The following TRIM2 variants were observed in gnomAD, a reference collection of about 807,000 sequenced individuals.
TRIM2 encodes the protein tripartite motif containing 2.
Under a neutral mutation model 75.2 loss-of-function variants are expected in TRIM2, and 20 were observed. That is an observed-to-expected ratio of 0.27 (90% CI 0.19 to 0.39). TRIM2 has a LOEUF of 0.39. TRIM2 is among the 10% of genes least tolerant of loss of function. TRIM2 has a pLI of 1.00. For missense variants in TRIM2, 660 were observed against 990.8 expected, an observed-to-expected ratio of 0.67 and a Z score of 4.48; for synonymous variants, 373 against 388.3, an observed-to-expected ratio of 0.96 and a Z score of 0.46.
At chr4:153,259,942 G>A (rs764058233) in intron 1 of TRIM2, among the ~76,000 whole-genome samples, 8 of 151,928 alleles carry the variant, frequency 5.3e-5, no homozygotes, top group African/African-American at 1.9e-4. Context: ...TTACCTCTTC[G>A]GTCTTCACAT....
intron 3 of TRIM2, among the ~76,000 whole-genome samples, chr4:153,282,282 A>G (rs916190688): frequency 2.0e-5 from 3 of 152,270 alleles, no homozygotes; most frequent in Non-Finnish European, 4.4e-5. Flanking sequence ...GAAAATGACT[A>G]GCTATTGATA....
In TRIM2 at chr4:153,315,500, A is replaced by G; in HGVS notation, c.1526A>G (p.Asn509Ser). Residue 509 changes from asparagine to serine, a missense_variant, in exon 7 of 12, where the codon AAT (asparagine) becomes AGT (serine). Around this residue, in one of 2 missense-constraint regions of TRIM2, gnomAD observed 620 missense variants for 891.0 expected, o/e 0.70. Transcript: ENST00000338700. ...LIFRVGTKGR[N>S]KGEFTNLQGV... ...TTTATTTTAGGTACCAAAGGAAGAA[A>G]TAAAGGAGAGTTTACAAATCTTCAG... 1.9e-6 allele frequency: 3 copies of G among 1,603,066 alleles called. No individual in the cohort carries two copies. Among genetic ancestry groups the G allele is most frequent in the Non-Finnish European group, 2.5e-6 (3 of 1,177,418 alleles).
chr4:153,310,289 G>A (rs1459330965), intron 6 of TRIM2: 2 of 152,054 alleles, frequency 1.3e-5, no homozygotes, highest in Non-Finnish European at 2.9e-5. Flanking sequence ...TGTGTTTTGT[G>A]TTATTTATAT....
rs140776366 is a variant in TRIM2 at position 153,213,212 on chromosome 4, G to A, written c.30+8652G>A. On this transcript the variant is annotated intron_variant, in intron 1 of 11. Coordinates refer to ENST00000338700, the MANE Select transcript of TRIM2 (RefSeq NM_015271.5). ...ATTGTTGAGAAAATTGTCCCAAGCCGCACAGCTGGTCAGGGGCAGGCCAGC... is the reference window on the plus strand; with the variant it reads ...ATTGTTGAGAAAATTGTCCCAAGCCACACAGCTGGTCAGGGGCAGGCCAGC... Among the ~76,000 whole-genome samples the A allele has an allele frequency of 3.2e-3, 490 of 152,292 alleles. 2 individuals are homozygous for A. The highest frequency in any genetic ancestry group is 0.011 in the African/African-American group (444 of 41,544).
upstream of TRIM2, among the ~76,000 whole-genome samples, chr4:153,200,579 A>G (rs967878110): frequency 6.6e-6 from 1 of 151,948 alleles, no homozygotes; most frequent in Non-Finnish European, 1.5e-5. Flanking sequence ...TCATATGGTA[A>G]TTCTATGTTT....
chr4:153,270,636 C>A, intron 2 of TRIM2, 117 bp downstream of exon 2: 1 of 872,924 alleles, frequency 1.1e-6, no homozygotes, highest in Non-Finnish European at 1.7e-6. Context: ...ATCTCTTGTG[C>A]TTCTGCCAGA....
chr4:153,224,439 C>A lies in TRIM2; in HGVS notation c.30+19879C>A, dbSNP rs113134298. ...GTTCTGGGCTAGGTACAGAACACCA[C>A]ATCCCATTTGCCCTCATTAACTCAT... On this transcript the variant is annotated intron_variant, in intron 1 of 11. Transcript: ENST00000338700. 5.9e-3 allele frequency among the ~76,000 whole-genome samples: 900 copies of A among 152,308 alleles called. 6 individuals are homozygous for A. Among genetic ancestry groups the A allele is most frequent in the African/African-American group, 0.02 (848 of 41,570 alleles).
chr4:153,210,613 A>G (rs1216917644), intron 1 of TRIM2, among the ~76,000 whole-genome samples: 1 of 152,142 alleles, frequency 6.6e-6, no homozygotes, highest in Admixed American at 6.5e-5. Context: ...AAAATATTTG[A>G]TTCTTGATTT....
chr4:153,319,830 G>A (rs1768539521), intron 8 of TRIM2, among the ~76,000 whole-genome samples: 1 of 152,074 alleles, frequency 6.6e-6, no homozygotes, highest in African/African-American at 2.4e-5. Flanking sequence ...CTTTCACTTG[G>A]TTGAATCCAG....
At chr4:153,201,285 C>T (rs1734343157), upstream of TRIM2, among the ~76,000 whole-genome samples, 2 of 152,010 alleles carry the variant, frequency 1.3e-5, no homozygotes, top group African/African-American at 4.8e-5. Context: ...TTGATTTGCA[C>T]TTCCCTAATG....
chr4:153,169,033 T>G (rs568446298), intron 1 of TRIM2, among the ~76,000 whole-genome samples: 1 of 152,272 alleles, frequency 6.6e-6, no homozygotes, highest in East Asian at 1.9e-4. Flanking sequence ...GTGAGCTGAT[T>G]GTACCACTGC....
intron 1 of TRIM2, among the ~76,000 whole-genome samples, chr4:153,241,776 G>A (rs1746688061): frequency 1.3e-5 from 2 of 152,184 alleles, no homozygotes; most frequent in Non-Finnish European, 2.9e-5. Flanking sequence ...GGAAACGGGT[G>A]CACAGATTCT....
chr4:153,171,630 T>C (rs1330746012), intron 1 of TRIM2, among the ~76,000 whole-genome samples: 2 of 125,576 alleles, frequency 1.6e-5, no homozygotes, highest in East Asian at 2.2e-4. Context: ...ATGAATTGGA[T>C]TGGTTAATGG....
chr4:153,207,919 C>T (rs1446115545), intron 1 of TRIM2, among the ~76,000 whole-genome samples: 2 of 152,206 alleles, frequency 1.3e-5, no homozygotes, highest in Non-Finnish European at 2.9e-5. Flanking sequence ...GGTTTGAAAT[C>T]ACCCTTGAGC....
chr4:153,328,749 G>A, intron 11 of TRIM2, 79 bp downstream of exon 11: 1 of 1,443,614 alleles, frequency 6.9e-7, no homozygotes. Flanking sequence ...CCCCAAACTG[G>A]AATGTTTTCT....
rs531150005 is a variant in TRIM2 at position 153,338,713 on chromosome 4, G to A, written c.*3747G>A. 8 of 985,786 alleles carry A rather than the reference G, an allele frequency of 8.1e-6. No homozygotes were observed. In the African/African-American group the frequency reaches 1.4e-4, roughly 17 times the overall value. The allele number at this position is 985,786 out of a possible 1,614,324, so 61.1% of individuals were successfully genotyped here. ...TGAATTGTGTGGCAGTGATTGGTCT[G>A]TTTGTGGAGAATGTATGAAAGCTAT... On this transcript the variant is annotated 3_prime_UTR_variant, in exon 12 of 12. Transcript: ENST00000338700.
At chr4:153,200,659 C>T (rs1479895891), upstream of TRIM2, among the ~76,000 whole-genome samples, 4 of 150,344 alleles carry the variant, frequency 2.7e-5, no homozygotes, top group Non-Finnish European at 4.4e-5. Flanking sequence ...CAGCAATGTA[C>T]CAGGGTTCTT....
At chr4:153,221,755 G>GAAATAA (rs1740089209) in intron 1 of TRIM2, among the ~76,000 whole-genome samples, 3 of 140,890 alleles carry the variant, frequency 2.1e-5, no homozygotes, top group African/African-American at 5.3e-5. Context: ...AGGGAGGGAG[G>GAAATAA]GAGGAAATAA....
rs749963848 is a variant in TRIM2 at position 153,338,519 on chromosome 4, G to A, written c.*3553G>A. 1.0e-6 allele frequency: 1 copy of A among 983,948 alleles called. No homozygotes were observed. Among genetic ancestry groups the A allele is most frequent in the Non-Finnish European group, 1.2e-6 (1 of 828,586 alleles). The allele number at this position is 983,948 out of a possible 1,614,324, so 61.0% of individuals were successfully genotyped here. Reference sequence around the variant, plus strand: ...TGTTGGTTTCTGTAAATGTTGCAGGGTTTTAAACTTTATAATTACTTTAAT... The same window carrying A: ...TGTTGGTTTCTGTAAATGTTGCAGGATTTTAAACTTTATAATTACTTTAAT... On this transcript the variant is annotated 3_prime_UTR_variant, in exon 12 of 12. Coordinates refer to ENST00000338700, the MANE Select transcript of TRIM2 (RefSeq NM_015271.5).
Sources: allele counts gnomAD v4.1 joint callset (sites outside exome capture counted in the v4.1 genomes callset), GRCh38; gene constraint gnomAD v4.1.1; regional missense constraint gnomAD v4.1.1; transcripts MANE v1.5; gene names NCBI Gene and HGNC (gene_info 2026-07-23, HGNC 2026-07-21).